ATP6V1C1: variants seen among roughly 807,000 people sequenced by gnomAD.
ATP6V1C1 encodes the protein V-type proton ATPase subunit C 1.
Under a neutral mutation model 53.9 loss-of-function variants are expected in ATP6V1C1, and 45 were observed. The ratio of observed to expected loss-of-function variants is 0.83; its 90% CI spans 0.66 to 1.07. The LOEUF (loss-of-function observed/expected upper bound fraction) is 1.07. Ranked by LOEUF, ATP6V1C1 falls within the 50% of genes least tolerant of loss-of-function variation. ATP6V1C1 has a pLI of 0.00. For synonymous variants in ATP6V1C1, 153 were observed against 155.2 expected (o/e 0.99, Z 0.11); for missense variants, 315 against 440.3 (o/e 0.72, Z 2.55).
At chr8:103,025,992 A>C (rs1816687934) in intron 1 of ATP6V1C1, among the ~76,000 whole-genome samples, 1 of 152,228 alleles carries the variant, frequency 6.6e-6, no homozygotes, top group East Asian at 1.9e-4. Context: ...AGCCATGAAG[A>C]AAAGGGAAGT....
intron 8 of ATP6V1C1, among the ~76,000 whole-genome samples, chr8:103,056,833 T>G (rs774919921): frequency 8.5e-5 from 13 of 152,150 alleles, no homozygotes; most frequent in Non-Finnish European, 1.6e-4. Flanking sequence ...AGAAGTGGAA[T>G]TAGTAAGGTC....
At position 103,071,957 on chromosome 8, in the gene ATP6V1C1, C is replaced by T. The variant is rs927584459; in HGVS notation, c.*3210C>T. On this transcript the variant is annotated 3_prime_UTR_variant, in exon 13 of 13. Transcript: ENST00000518738. ...TTTGGCAGGAACCCAGAGTCCAGAA[C>T]ATTTCATCTATGATGGGTTAGATAA... is the stretch of plus-strand genomic sequence containing the variant. 3 of 152,258 alleles carry T rather than the reference C, an allele frequency of 2.0e-5. No individual in the cohort carries two copies. Among genetic ancestry groups the T allele is most frequent in the African/African-American group, 7.2e-5 (3 of 41,460 alleles). 9.4% of individuals were successfully genotyped at this position (152,258 alleles called of 1,614,324 possible).
intron 1 of ATP6V1C1, among the ~76,000 whole-genome samples, chr8:103,031,836 A>G (rs938161243): frequency 1.3e-5 from 2 of 152,220 alleles, no homozygotes; most frequent in Non-Finnish European, 2.9e-5. Context: ...TTTCAAAAGA[A>G]GGAAGTGAAG....
chr8:103,030,442 T>C (rs186029619), intron 1 of ATP6V1C1, among the ~76,000 whole-genome samples: 1 of 152,306 alleles, frequency 6.6e-6, no homozygotes, highest in East Asian at 1.9e-4. Context: ...TCAGTTTTTG[T>C]CTGCGATGGA....
chr8:103,029,048 G>A (rs1218975696), intron 1 of ATP6V1C1, among the ~76,000 whole-genome samples: 1 of 151,826 alleles, frequency 6.6e-6, no homozygotes, highest in African/African-American at 2.4e-5. Context: ...TATACAGAAA[G>A]GATGAAAACA....
intron 1 of ATP6V1C1, among the ~76,000 whole-genome samples, chr8:103,034,970 T>C (rs1293078082): frequency 6.6e-6 from 1 of 152,216 alleles, no homozygotes; most frequent in African/African-American, 2.4e-5. Context: ...ACTTATGATG[T>C]TAACTGTCAT....
intron 8 of ATP6V1C1, among the ~76,000 whole-genome samples, chr8:103,056,884 T>C (rs976351851): frequency 2.6e-5 from 4 of 152,138 alleles, no homozygotes; most frequent in African/African-American, 9.7e-5. Flanking sequence ...CATTGTGTCA[T>C]GTGGGAAGTA....
At chr8:103,040,556 A>T (rs1211560225) in intron 1 of ATP6V1C1, among the ~76,000 whole-genome samples, 1 of 152,232 alleles carries the variant, frequency 6.6e-6, no homozygotes, top group Non-Finnish European at 1.5e-5. Context: ...AATGAAAAAA[A>T]GTAGGTACTT....
chr8:103,050,013 A>G (rs1817173159), intron 4 of ATP6V1C1, among the ~76,000 whole-genome samples: 1 of 152,090 alleles, frequency 6.6e-6, no homozygotes, highest in Admixed American at 6.6e-5. Flanking sequence ...CATTCTCTAC[A>G]GGATCACCTA....
intron 1 of ATP6V1C1, among the ~76,000 whole-genome samples, chr8:103,040,218 A>G (rs1816971994): frequency 1.4e-5 from 2 of 145,172 alleles, no homozygotes; most frequent in South Asian, 4.5e-4. Context: ...GTTCAAGACC[A>G]GCCTGGCTAA....
intron 12 of ATP6V1C1, 99 bp downstream of exon 12, chr8:103,066,546 C>A: frequency 7.7e-7 from 1 of 1,299,890 alleles, no homozygotes; most frequent in Non-Finnish European, 1.0e-6. Context: ...AAGTATGAAA[C>A]TTAATCATTT....
At position 103,072,896 on chromosome 8, in the gene ATP6V1C1, T is replaced by G. The variant is rs918774358; in HGVS notation, c.*4149T>G. 1.3e-5 allele frequency: 2 copies of G among 152,170 alleles called. No individual in the cohort carries two copies. The highest frequency in any genetic ancestry group is 6.5e-5 in the Admixed American group (1 of 15,284). The allele number at this position is 152,170 out of a possible 1,614,324, so 9.4% of individuals were successfully genotyped here. ...TCCTTCATACCAGGAATGGTCAAGA[T>G]AATGCAAGAAGAAAAAAGCTTTCAA... On this transcript the variant is annotated 3_prime_UTR_variant, in exon 13 of 13. Coordinates refer to ENST00000518738, the MANE Select transcript of ATP6V1C1 (RefSeq NM_001695.5).
chr8:103,036,078 T>A (rs2131386029), intron 1 of ATP6V1C1, among the ~76,000 whole-genome samples: 1 of 152,284 alleles, frequency 6.6e-6, no homozygotes, highest in South Asian at 2.1e-4. Context: ...TGTTGAAGCT[T>A]ACATGTGGAT....
intron 3 of ATP6V1C1, among the ~76,000 whole-genome samples, chr8:103,047,428 GCGCACACACACACACA>G (rs1817120644): frequency 6.8e-5 from 8 of 117,584 alleles, no homozygotes; most frequent in Non-Finnish European, 1.4e-4. Flanking sequence ...AAAAATGCGC[GCGCACACACACACACA>G]CACACACACA....
chr8:103,059,595 G>A (rs766408058), intron 8 of ATP6V1C1, among the ~76,000 whole-genome samples: 15 of 144,366 alleles, frequency 1.0e-4, no homozygotes, highest in East Asian at 2.0e-4. Flanking sequence ...TGGTTGAACC[G>A]TTAAAAATTG....
chr8:103,048,845 G>A, intron 3 of ATP6V1C1, 25 bp from the exon 4 acceptor site: 2 of 1,584,012 alleles, frequency 1.3e-6, no homozygotes, highest in African/African-American at 1.3e-5. Flanking sequence ...CCTGAGAATG[G>A]TTGTTGATAT....
At chr8:103,025,921 G>A (rs575523285) in intron 1 of ATP6V1C1, among the ~76,000 whole-genome samples, 1 of 152,314 alleles carries the variant, frequency 6.6e-6, no homozygotes, top group Non-Finnish European at 1.5e-5. Flanking sequence ...CATTGTATTG[G>A]AGATATCAGC....
chr8:103,065,212 T>G (rs1186914876), intron 11 of ATP6V1C1, among the ~76,000 whole-genome samples: 1 of 152,180 alleles, frequency 6.6e-6, no homozygotes, highest in East Asian at 1.9e-4. Context: ...ATTTAAAAAA[T>G]CATATTCTGG....
chr8:103,061,837 G>A (rs1817403892), intron 8 of ATP6V1C1, among the ~76,000 whole-genome samples: 1 of 152,182 alleles, frequency 6.6e-6, no homozygotes, highest in Non-Finnish European at 1.5e-5. Context: ...ACAGCTGCCT[G>A]TGCAGCCTTG....
Sources: gnomAD v4.1 joint callset for allele counts (sites outside exome capture counted in the v4.1 genomes callset) on GRCh38, gnomAD v4.1.1 for gene constraint, MANE v1.5 for transcripts, NCBI Gene and HGNC (gene_info 2026-07-23, HGNC 2026-07-21) for gene names.